The following NREP variants were observed in gnomAD, a reference collection of about 807,000 sequenced individuals.
The protein encoded by NREP is neuronal regeneration related protein.
NREP carries 5 observed loss-of-function variants against 8.6 expected under a neutral mutation model. The observed-to-expected ratio is 0.58, with a 90% CI of 0.30 to 1.22. The LOEUF (loss-of-function observed/expected upper bound fraction) is 1.22, where lower values mean the gene tolerates loss of function less well. Ranked by LOEUF, NREP falls within the 50% of genes most tolerant of loss-of-function variation. The pLI is 0.07. For missense variants in NREP, 86 were observed against 82.5 expected (o/e 1.04, Z -0.17); for synonymous variants, 27 against 28.0 (o/e 0.96, Z 0.11).
At chr5:111,925,649 A>C (rs1323584223) in intron 2 of NREP, among the ~76,000 whole-genome samples, 1 of 152,198 alleles carries the variant, frequency 6.6e-6, no homozygotes, top group Non-Finnish European at 1.5e-5. Context: ...GTCAGGAGAC[A>C]GGGAAGTATG....
intron 2 of NREP, among the ~76,000 whole-genome samples, chr5:111,913,980 C>A (rs1754983701): frequency 1.3e-5 from 2 of 152,114 alleles, no homozygotes; most frequent in African/African-American, 4.8e-5. Flanking sequence ...CATCCTTACG[C>A]ATCTAAATGC....
At chr5:111,746,639 G>T (rs748677927) in intron 2 of NREP, among the ~76,000 whole-genome samples, 1 of 152,098 alleles carries the variant, frequency 6.6e-6, no homozygotes, top group Non-Finnish European at 1.5e-5. Flanking sequence ...ATATTTCATA[G>T]GCAGTTTTTA....
intron 2 of NREP, among the ~76,000 whole-genome samples, chr5:111,953,131 A>G (rs1756212366): frequency 6.6e-6 from 1 of 152,016 alleles, no homozygotes; most frequent in African/African-American, 2.4e-5. Context: ...TCATGTTGTT[A>G]TTGTCTTCCT....
chr5:111,809,587 C>T (rs1369060623), intron 2 of NREP, among the ~76,000 whole-genome samples: 1 of 152,050 alleles, frequency 6.6e-6, no homozygotes, highest in Non-Finnish European at 1.5e-5. Flanking sequence ...TCTTATAAAG[C>T]CAGGATATTC....
rs139461515 is a variant in NREP, at chr5:111,953,425, A to C, written c.135+21849T>G. Reference sequence around the variant, plus strand: ...TTTTTCCCAAAGACTTTTCTTCTGCATCACTGGCAACCTCCTCCTCTATTA... The same window carrying C: ...TTTTTCCCAAAGACTTTTCTTCTGCCTCACTGGCAACCTCCTCCTCTATTA... On this transcript the variant is annotated intron_variant, in intron 2 of 3. Transcript: ENST00000395634. Among the ~76,000 whole-genome samples the C allele has an allele frequency of 2.6e-5, 4 of 152,230 alleles. No individual in the cohort carries two copies. In the South Asian group the frequency reaches 8.3e-4, roughly 32 times the overall value.
At chr5:111,876,851 A>C (rs1753921972) in intron 2 of NREP, among the ~76,000 whole-genome samples, 1 of 152,196 alleles carries the variant, frequency 6.6e-6, no homozygotes, top group Non-Finnish European at 1.5e-5. Context: ...ATTATTACTA[A>C]ATCTATTCTA....
rs368299391 is a variant in NREP at position 111,959,438 on chromosome 5, T to C, written c.135+15836A>G. On this transcript the variant is annotated intron_variant, in intron 2 of 3. Transcript: ENST00000395634. ...CAGCTGTATACATACATGTGTACTT[T>C]TCTATATGTACATTAGCTAAATTTA... is the stretch of plus-strand genomic sequence containing the variant. 1.8e-4 allele frequency among the ~76,000 whole-genome samples: 28 copies of C among 152,136 alleles called. 2 individuals are homozygous for C. In the East Asian group the frequency reaches 3.5e-3, roughly 19 times the overall value.
At chr5:111,972,458 G>A (rs1051914365) in intron 2 of NREP, among the ~76,000 whole-genome samples, 3 of 152,126 alleles carry the variant, frequency 2.0e-5, no homozygotes, top group Non-Finnish European at 4.4e-5. Context: ...GAATCATAAT[G>A]GCTCACTGAT....
At chr5:111,963,313 C>A (rs559052889) in intron 2 of NREP, among the ~76,000 whole-genome samples, 73 of 152,328 alleles carry the variant, frequency 4.8e-4, no homozygotes, top group African/African-American at 1.6e-3. Flanking sequence ...ATGGGGCACC[C>A]CCATTGCAAG....
chr5:111,819,685 A>T (rs35701851), intron 2 of NREP, among the ~76,000 whole-genome samples: 1 of 152,210 alleles, frequency 6.6e-6, no homozygotes, highest in Non-Finnish European at 1.5e-5. Context: ...ACTTTGTGTT[A>T]TGTGTATTTA....
intron 2 of NREP, among the ~76,000 whole-genome samples, chr5:111,931,191 A>C (rs1236381675): frequency 1.3e-5 from 2 of 152,016 alleles, no homozygotes; most frequent in Non-Finnish European, 2.9e-5. Flanking sequence ...CTTTCCTGTA[A>C]GAGATGAAAC....
intron 2 of NREP, among the ~76,000 whole-genome samples, chr5:111,939,583 G>A (rs527752587): frequency 9.2e-5 from 14 of 152,100 alleles, no homozygotes; most frequent in Admixed American, 5.2e-4. Flanking sequence ...TCGAGTTGCC[G>A]CACGTGCAAG....
chr5:111,741,836 C>CACAG (rs1749698163), intron 2 of NREP, among the ~76,000 whole-genome samples: 2 of 151,070 alleles, frequency 1.3e-5, no homozygotes, highest in African/African-American at 2.5e-5. Context: ...CACACACACA[C>CACAG]ACACACACAC....
upstream of NREP, among the ~76,000 whole-genome samples, chr5:111,761,793 A>C (rs1750965237): frequency 6.6e-6 from 1 of 152,210 alleles, no homozygotes. Context: ...AGTGTATTGA[A>C]TTGGATCTGA....
At chr5:111,761,134 C>A (rs1428284060), upstream of NREP, among the ~76,000 whole-genome samples, 3 of 152,114 alleles carry the variant, frequency 2.0e-5, no homozygotes, top group African/African-American at 4.8e-5. Flanking sequence ...ACCATAGTGC[C>A]AAATTGTTGT....
At chr5:111,886,175 A>C (rs1238722940) in intron 2 of NREP, among the ~76,000 whole-genome samples, 1 of 152,214 alleles carries the variant, frequency 6.6e-6, no homozygotes, top group African/African-American at 2.4e-5. Context: ...ATGAACAGAC[A>C]CTTCTCAAAA....
chr5:111,747,121 G>A (rs1369655329), intron 2 of NREP, among the ~76,000 whole-genome samples: 1 of 152,104 alleles, frequency 6.6e-6, no homozygotes, highest in Non-Finnish European at 1.5e-5. Flanking sequence ...ACAGTACTTC[G>A]TGGAGGAAAT....
chr5:111,847,112 C>CT (rs568810532), intron 2 of NREP, among the ~76,000 whole-genome samples: 226 of 144,672 alleles, frequency 1.6e-3, no homozygotes, highest in East Asian at 8.7e-3. Context: ...ACATGACACA[C>CT]TTTTTTTTTT....
At chr5:111,976,701 T>C (rs746477386) in intron 1 of NREP, 9 of 1,549,528 alleles carry the variant, frequency 5.8e-6, no homozygotes, top group African/African-American at 2.7e-5. Context: ...TAAGTTATTC[T>C]TCACATACCA....
Sources: allele counts gnomAD v4.1 joint callset (sites outside exome capture counted in the v4.1 genomes callset), GRCh38; gene constraint gnomAD v4.1.1; transcripts MANE v1.5; gene names NCBI Gene and HGNC (gene_info 2026-07-23, HGNC 2026-07-21).